VEZT: variants seen among roughly 807,000 people sequenced by gnomAD.
VEZT encodes vezatin.
VEZT carries 39 observed loss-of-function variants against 79.9 expected under a neutral mutation model. The ratio of observed to expected loss-of-function variants is 0.49; its 90% CI spans 0.38 to 0.64. VEZT has a LOEUF of 0.64. VEZT is among the 30% of genes least tolerant of loss of function. The probability of loss-of-function intolerance (pLI) is 0.00; values close to 1 mark genes in which losing one functional copy is unlikely to be tolerated. For missense variants in VEZT, 837 were observed against 893.1 expected, an observed-to-expected ratio of 0.94 and a Z score of 0.80; for synonymous variants, 325 against 327.6, an observed-to-expected ratio of 0.99 and a Z score of 0.09.
At chr12:95,225,118 CT>C (rs1054183741) in intron 1 of VEZT, among the ~76,000 whole-genome samples, 3 of 152,346 alleles carry the variant, frequency 2.0e-5, no homozygotes, top group African/African-American at 2.4e-5. Context: ...TTGAGGACCC[CT>C]GTTAATGCAG....
At chr12:95,261,270 A>G (rs1423463309) in intron 3 of VEZT, among the ~76,000 whole-genome samples, 1 of 152,132 alleles carries the variant, frequency 6.6e-6, no homozygotes, top group Admixed American at 6.5e-5. Flanking sequence ...TTAACTAAGA[A>G]GAGCAAACCT....
At chr12:95,277,845 G>A (rs907226168) in intron 7 of VEZT, among the ~76,000 whole-genome samples, 1 of 152,230 alleles carries the variant, frequency 6.6e-6, no homozygotes, top group Non-Finnish European at 1.5e-5. Context: ...TATTCTTTAA[G>A]AAGGACTTGG....
intron 11 of VEZT, among the ~76,000 whole-genome samples, chr12:95,298,514 C>T (rs1463775907): frequency 1.3e-5 from 2 of 152,066 alleles, no homozygotes; most frequent in African/African-American, 4.8e-5. Context: ...TAAATAGGGG[C>T]CTTATTATCC....
intron 1 of VEZT, among the ~76,000 whole-genome samples, chr12:95,225,848 C>A (rs972957883): frequency 3.7e-4 from 51 of 136,960 alleles, no homozygotes; most frequent in Non-Finnish European, 6.2e-5. Context: ...AATGAAAGAA[C>A]AAGGCCAGCA....
Position 95,252,066 on chromosome 12 carries a change from C to A in VEZT, c.163C>A (p.Pro55Thr). 3 of 1,603,548 alleles carry A rather than the reference C, an allele frequency of 1.9e-6. No homozygotes were observed. Among genetic ancestry groups the A allele is most frequent in the Non-Finnish European group, 2.5e-6 (3 of 1,176,728 alleles). The change falls in exon 2 of 12, where the codon CCA (proline) becomes ACA (threonine). Residue 55 changes from proline (P) to threonine (T), a missense_variant. By Grantham distance (38) the Pro-to-Thr change is conservative. Transcript: ENST00000436874. ...ACAAAAGCCTCCTACAAGAGTCCTACCAAAAGTAAGAACGCATGCTCATTC... is the reference window on the plus strand; with the variant it reads ...ACAAAAGCCTCCTACAAGAGTCCTAACAAAAGTAAGAACGCATGCTCATTC... ...GQQKPPTRVLPKQGILLKVAE... is the reference protein window; with the variant it reads ...GQQKPPTRVLTKQGILLKVAE...
At chr12:95,299,359 C>T (rs2074850379) in intron 11 of VEZT, 1 of 153,574 alleles carries the variant, frequency 6.5e-6, no homozygotes, top group African/African-American at 2.4e-5. Context: ...CAACCCACTG[C>T]CTACTAACAT....
intron 7 of VEZT, chr12:95,275,994 G>A (rs1391234723): frequency 2.0e-5 from 3 of 152,206 alleles, no homozygotes; most frequent in Middle Eastern, 3.4e-3. Flanking sequence ...TATATTGAAA[G>A]TTGGTAATTT....
At chr12:95,255,217 C>G (rs1362522339) in intron 2 of VEZT, among the ~76,000 whole-genome samples, 1 of 151,914 alleles carries the variant, frequency 6.6e-6, no homozygotes, top group Non-Finnish European at 1.5e-5. Flanking sequence ...TCAGACACCC[C>G]CAAAACAAAC....
chr12:95,251,791 T>C (rs1320761767), intron 1 of VEZT, 149 bp from the exon 2 acceptor site: 2 of 578,098 alleles, frequency 3.5e-6, no homozygotes, highest in Non-Finnish European at 5.7e-6. Context: ...TGGCATTGTA[T>C]TATAACAGAT....
chr12:95,290,958 G>A (rs2139668579), intron 9 of VEZT, among the ~76,000 whole-genome samples: 1 of 152,158 alleles, frequency 6.6e-6, no homozygotes, highest in Middle Eastern at 3.4e-3. Flanking sequence ...AGTTAATAAA[G>A]TTTCCCATTG....
chr12:95,234,276 T>A (rs545387227), intron 1 of VEZT, among the ~76,000 whole-genome samples: 22 of 145,840 alleles, frequency 1.5e-4, no homozygotes, highest in African/African-American at 5.4e-4. Flanking sequence ...AAATTTTCTA[T>A]CAATAATCTT....
chr12:95,295,330 T>C (rs1294106661), intron 10 of VEZT, among the ~76,000 whole-genome samples: 1 of 151,812 alleles, frequency 6.6e-6, no homozygotes, highest in Non-Finnish European at 1.5e-5. Flanking sequence ...CTGGCTAATT[T>C]TTGTAGTTTT....
At chr12:95,260,254 C>G (rs145057743) in intron 3 of VEZT, among the ~76,000 whole-genome samples, 1 of 151,838 alleles carries the variant, frequency 6.6e-6, no homozygotes, top group African/African-American at 2.4e-5. Context: ...TACAGGTGCA[C>G]GCCACCAAAC....
chr12:95,230,119 A>C (rs1246924321), intron 1 of VEZT, among the ~76,000 whole-genome samples: 3 of 151,812 alleles, frequency 2.0e-5, no homozygotes, highest in Non-Finnish European at 4.4e-5. Context: ...AAAAAAAAAA[A>C]AAAACGAAGT....
intron 1 of VEZT, chr12:95,218,585 A>G (rs1322195238): frequency 6.6e-6 from 1 of 152,212 alleles, no homozygotes; most frequent in Middle Eastern, 3.2e-3. Context: ...ATTTTTTTCC[A>G]TCAGACACAG....
At chr12:95,258,223 A>C (rs2138170156) in intron 3 of VEZT, 1 of 455,892 alleles carries the variant, frequency 2.2e-6, no homozygotes, top group South Asian at 1.6e-5. Flanking sequence ...TATCGTCTAC[A>C]TATAATGCCA....
intron 6 of VEZT, 83 bp from the exon 7 acceptor site, chr12:95,274,659 A>G: frequency 1.4e-6 from 2 of 1,396,384 alleles, no homozygotes; most frequent in East Asian, 2.4e-5. Flanking sequence ...AATAAAGATT[A>G]GGGAATGTGA....
At chr12:95,255,471 G>A (rs903013569) in intron 2 of VEZT, among the ~76,000 whole-genome samples, 1 of 152,070 alleles carries the variant, frequency 6.6e-6, no homozygotes. Flanking sequence ...TCGCGCTGTC[G>A]CCCAGCCTTG....
rs533970229 is a variant in VEZT, at chr12:95,291,520, T to C, written c.1523-2752T>C. ...ATTTTCTGCCTTGCAGGCCATATGG[T>C]GTCTGTTACAACTACTTTACTCTGC... On this transcript the variant is annotated intron_variant, in intron 9 of 11. Transcript: ENST00000436874. Among the ~76,000 whole-genome samples the C allele has an allele frequency of 2.6e-5, 4 of 152,328 alleles. No homozygotes were observed. The South Asian group carries it at 6.2e-4, about 24-fold the overall frequency.
Sources: gnomAD v4.1 joint callset for allele counts (sites outside exome capture counted in the v4.1 genomes callset) on GRCh38, gnomAD v4.1.1 for gene constraint, MANE v1.5 for transcripts, NCBI Gene and HGNC (gene_info 2026-07-23, HGNC 2026-07-21) for gene names.